Variants in LPP observed in about 807,000 individuals in gnomAD.
LPP encodes LIM domain containing preferred translocation partner in lipoma.
In LPP, 38 loss-of-function variants were observed where a neutral mutation model predicts 60.4. The observed-to-expected ratio is 0.63, with a 90% CI of 0.49 to 0.83. The LOEUF (loss-of-function observed/expected upper bound fraction) is 0.83. Ranked by LOEUF, LPP falls within the 40% of genes least tolerant of loss-of-function variation. LPP has a pLI of 0.00. For synonymous variants in LPP, 328 were observed against 290.8 expected, an observed-to-expected ratio of 1.13 and a Z score of -1.30; for missense variants, 902 against 783.6, an observed-to-expected ratio of 1.15 and a Z score of -1.80.
intron 9 of LPP, among the ~76,000 whole-genome samples, chr3:188,825,287 G>C (rs1289425381): frequency 5.4e-5 from 8 of 148,690 alleles, no homozygotes; most frequent in South Asian, 2.1e-4. Flanking sequence ...GTGTGTGTGT[G>C]TGTGTGTGTG....
chr3:188,336,183 T>C (rs1283145910), intron 2 of LPP, among the ~76,000 whole-genome samples: 1 of 152,178 alleles, frequency 6.6e-6, no homozygotes, highest in African/African-American at 2.4e-5. Context: ...TCACATGACC[T>C]ACAAGCAAGT....
rs1289084950 is a variant in LPP, at chr3:188,368,682, TCACACA to T, written c.-10+26996_-10+27001del. ...TTATACTACAAACACACACACACTCTCACACACACACACACACACACACACACACAC... is the reference window on the plus strand; with the variant it reads ...TTATACTACAAACACACACACACTCTCACACACACACACACACACACACAC... On this transcript the variant is annotated intron_variant, in intron 3 of 11. Transcript: ENST00000617246. Among the ~76,000 whole-genome samples, 415 of 129,502 alleles carry T rather than the reference TCACACA, an allele frequency of 3.2e-3. 2 individuals are homozygous for T. Among genetic ancestry groups the T allele is most frequent in the African/African-American group, 0.011 (397 of 35,940 alleles). 85.0% of individuals were successfully genotyped at this position (129,502 alleles called of 152,430 possible). A position where few individuals can be genotyped will look rare whatever the true frequency, so the allele number is the denominator to read the frequency against.
At chr3:188,355,225 T>C (rs965248066) in intron 3 of LPP, among the ~76,000 whole-genome samples, 1 of 152,128 alleles carries the variant, frequency 6.6e-6, no homozygotes, top group Non-Finnish European at 1.5e-5. Context: ...GCCATGCTGG[T>C]CTCGAACTCC....
intron 2 of LPP, among the ~76,000 whole-genome samples, chr3:188,252,356 G>C (rs1432438389): frequency 2.6e-5 from 2 of 77,668 alleles, no homozygotes; most frequent in African/African-American, 4.9e-5. Flanking sequence ...CCCTTCTTCC[G>C]TTTTTTTTTC....
intron 9 of LPP, among the ~76,000 whole-genome samples, chr3:188,790,878 C>A (rs565443620): frequency 1.3e-5 from 2 of 150,832 alleles, no homozygotes; most frequent in Non-Finnish European, 2.9e-5. Context: ...TTCTAGGTAG[C>A]GATGGTGCTT....
At chr3:188,256,596 T>C (rs1039175155) in intron 2 of LPP, among the ~76,000 whole-genome samples, 6 of 152,180 alleles carry the variant, frequency 3.9e-5, no homozygotes, top group African/African-American at 1.4e-4. Flanking sequence ...AAATTAAAAG[T>C]AGAGTGTCTA....
chr3:188,863,246 T>C (rs887952260), intron 9 of LPP, among the ~76,000 whole-genome samples: 1 of 152,224 alleles, frequency 6.6e-6, no homozygotes, highest in Admixed American at 6.5e-5. Context: ...ATGAGAAAAC[T>C]GAGATCGAAG....
chr3:188,465,381 C>G (rs920436797), intron 4 of LPP, among the ~76,000 whole-genome samples: 1 of 152,136 alleles, frequency 6.6e-6, no homozygotes, highest in Non-Finnish European at 1.5e-5. Flanking sequence ...GCTCACATGT[C>G]CTAGTTAAGG....
chr3:188,574,592 ATGTTCT>A (rs1271344329), intron 6 of LPP, among the ~76,000 whole-genome samples: 1 of 152,090 alleles, frequency 6.6e-6, no homozygotes, highest in Non-Finnish European at 1.5e-5. Context: ...TTGTGTGTGC[ATGTTCT>A]TGCTCTCAAA....
chr3:188,155,724 AGT>A (rs146016747), intron 1 of LPP, among the ~76,000 whole-genome samples: 2,838 of 152,244 alleles, frequency 0.019, 33 homozygotes, highest in Middle Eastern at 0.044. Context: ...TAAAGGAAAA[AGT>A]GTGTGGGCCA....
chr3:188,853,280 A>T (rs1444502009), intron 9 of LPP, among the ~76,000 whole-genome samples: 1 of 152,200 alleles, frequency 6.6e-6, no homozygotes, highest in African/African-American at 2.4e-5. Context: ...ACATTGTGAG[A>T]TGGGATGTGT....
chr3:188,852,351 G>A (rs1189538204), intron 9 of LPP, among the ~76,000 whole-genome samples: 1 of 152,150 alleles, frequency 6.6e-6, no homozygotes, highest in African/African-American at 2.4e-5. Flanking sequence ...CTATCTGCAT[G>A]TGGTCTCTCC....
chr3:188,628,102 G>C (rs1239225956), intron 7 of LPP, among the ~76,000 whole-genome samples: 1 of 151,934 alleles, frequency 6.6e-6, no homozygotes, highest in Non-Finnish European at 1.5e-5. Context: ...CACAGCTAAA[G>C]CAGTATTAAG....
chr3:188,351,054 T>G (rs775037965), intron 3 of LPP, among the ~76,000 whole-genome samples: 1 of 152,216 alleles, frequency 6.6e-6, no homozygotes, highest in Non-Finnish European at 1.5e-5. Context: ...TATTTTGTAT[T>G]GCCATCTTTC....
At chr3:188,712,458 G>C (rs180946548) in intron 8 of LPP, 52 of 152,358 alleles carry the variant, frequency 3.4e-4, no homozygotes, top group African/African-American at 1.2e-3. Context: ...TGCTATGTGA[G>C]AGTCCATAAG....
intron 4 of LPP, among the ~76,000 whole-genome samples, chr3:188,407,784 G>GTTTTTTTT (rs1397646143): frequency 4.4e-5 from 5 of 114,822 alleles, no homozygotes; most frequent in African/African-American, 7.5e-5. Context: ...TTTTTTGTTT[G>GTTTTTTTT]TTTGTTTTTT....
intron 3 of LPP, among the ~76,000 whole-genome samples, chr3:188,356,100 G>C (rs535729165): frequency 3.8e-4 from 58 of 152,176 alleles, no homozygotes; most frequent in African/African-American, 8.9e-4. Flanking sequence ...GATGTTTTTT[G>C]TTTCTCCAAA....
intron 1 of LPP, among the ~76,000 whole-genome samples, chr3:188,199,147 A>T (rs942141740): frequency 6.6e-6 from 1 of 152,170 alleles, no homozygotes; most frequent in Non-Finnish European, 1.5e-5. Flanking sequence ...TGGTCTTTCC[A>T]TGTGGCCTGG....
At chr3:188,714,116 G>T (rs62290059) in intron 8 of LPP, among the ~76,000 whole-genome samples, 8,663 of 152,164 alleles carry the variant, frequency 0.057, 311 homozygotes, top group Non-Finnish European at 0.085. Context: ...TCAGTGAGTT[G>T]TTCAAGCTCA....
Sources: gnomAD v4.1 joint callset for allele counts (sites outside exome capture counted in the v4.1 genomes callset) on GRCh38, gnomAD v4.1.1 for gene constraint, MANE v1.5 for transcripts, NCBI Gene and HGNC (gene_info 2026-07-23, HGNC 2026-07-21) for gene names.